PDE4D: variants seen among roughly 807,000 people sequenced by gnomAD.
PDE4D encodes the protein phosphodiesterase 4D.
In PDE4D, 24 loss-of-function variants were observed where a neutral mutation model predicts 87.4. The ratio of observed to expected loss-of-function variants is 0.27; its 90% CI spans 0.20 to 0.39. PDE4D has a LOEUF of 0.39. Ranked by LOEUF, PDE4D falls within the 10% of genes least tolerant of loss-of-function variation. The pLI is 1.00. For missense variants in PDE4D, 714 were observed against 1,041.0 expected (o/e 0.69, Z 4.32); for synonymous variants, 384 against 383.2 (o/e 1.00, Z -0.02).
intron 3 of PDE4D, among the ~76,000 whole-genome samples, chr5:59,948,217 AG>A (rs1757916170): frequency 6.6e-6 from 1 of 152,166 alleles, no homozygotes; most frequent in South Asian, 2.1e-4. Flanking sequence ...TTATTCTACC[AG>A]GTTTTCCCTA....
chr5:59,283,691 C>A (rs189018274), intron 1 of PDE4D, among the ~76,000 whole-genome samples: 10 of 152,248 alleles, frequency 6.6e-5, no homozygotes, highest in Admixed American at 5.9e-4. Context: ...AAGTATATTT[C>A]CTACTCTGCC....
upstream of PDE4D, among the ~76,000 whole-genome samples, chr5:59,897,863 T>C (rs1354829159): frequency 4.6e-5 from 7 of 152,214 alleles, no homozygotes; most frequent in Admixed American, 1.3e-4. Flanking sequence ...TCCAAAGGCA[T>C]TGAAAGTCTC....
At chr5:59,826,696 C>T (rs1022720819) in intron 1 of PDE4D, among the ~76,000 whole-genome samples, 1 of 151,998 alleles carries the variant, frequency 6.6e-6, no homozygotes, top group Admixed American at 6.6e-5. Context: ...CTGTATAGCT[C>T]TTAACACAGC....
rs78843283 is a variant in PDE4D, at chr5:60,159,389, C to T, written c.42+26168G>A. Among the ~76,000 whole-genome samples, 47 of 151,510 alleles carry T rather than the reference C, an allele frequency of 3.1e-4. 1 individual carries two copies. In the East Asian group the frequency reaches 8.9e-3, roughly 29 times the overall value. On this transcript the variant is annotated intron_variant, in intron 2 of 16. Coordinates refer to the PDE4D transcript ENST00000502484. Reference sequence around the variant, plus strand: ...GTATAGTAAATACATAAATCAGGGACGTAATCTATTATATTAAGTACTTAA... The same window carrying T: ...GTATAGTAAATACATAAATCAGGGATGTAATCTATTATATTAAGTACTTAA...
At chr5:60,498,625 C>T (rs982128946) in intron 1 of PDE4D, among the ~76,000 whole-genome samples, 5 of 152,204 alleles carry the variant, frequency 3.3e-5, no homozygotes, top group African/African-American at 1.2e-4. Flanking sequence ...TGTTCCTGTA[C>T]TCAAGAGAGT....
chr5:60,323,731 T>C (rs969839553), intron 1 of PDE4D, among the ~76,000 whole-genome samples: 3 of 151,970 alleles, frequency 2.0e-5, no homozygotes, highest in African/African-American at 7.3e-5. Context: ...TGGATGTCTC[T>C]TGGGCTTCAA....
At chr5:59,532,585 C>T (rs1814436924) in intron 1 of PDE4D, among the ~76,000 whole-genome samples, 1 of 152,172 alleles carries the variant, frequency 6.6e-6, no homozygotes, top group Non-Finnish European at 1.5e-5. Flanking sequence ...TCTGAAAATT[C>T]TTAGCTAAAG....
At chr5:59,662,750 C>T (rs1048691484) in intron 1 of PDE4D, among the ~76,000 whole-genome samples, 1 of 151,998 alleles carries the variant, frequency 6.6e-6, no homozygotes, top group Admixed American at 6.5e-5. Flanking sequence ...TATAATATTC[C>T]ATATGTGAAA....
intron 1 of PDE4D, among the ~76,000 whole-genome samples, chr5:59,309,859 C>T (rs897363800): frequency 1.3e-5 from 2 of 152,114 alleles, no homozygotes; most frequent in South Asian, 2.1e-4. Context: ...TGCCCAAACC[C>T]GCTGCCAGTA....
rs538609069 is a variant in PDE4D, at chr5:60,430,223, C to T, written c.-90+57719G>A. On this transcript the variant is annotated intron_variant, in intron 1 of 16. Transcript: ENST00000502484. ...ATGGGATATTCTCGGGTCACCATCT[C>T]GTTGATGGCGAATGACCCTTCTTCT... 70 of 519,612 alleles carry T rather than the reference C, an allele frequency of 1.3e-4. 3 individuals are homozygous for T. Among genetic ancestry groups the T allele is most frequent in the South Asian group, 9.2e-4 (66 of 71,648 alleles). The allele number at this position is 519,612 out of a possible 1,614,324, so 32.2% of individuals were successfully genotyped here.
intron 1 of PDE4D, among the ~76,000 whole-genome samples, chr5:60,311,854 G>C (rs1332454454): frequency 1.3e-5 from 2 of 152,186 alleles, no homozygotes; most frequent in Non-Finnish European, 2.9e-5. Flanking sequence ...TAGGCTCAAA[G>C]TAAAGGAATG....
chr5:59,855,204 G>A (rs1745255453), intron 1 of PDE4D, among the ~76,000 whole-genome samples: 1 of 152,024 alleles, frequency 6.6e-6, no homozygotes, highest in African/African-American at 2.4e-5. Context: ...TTAAATAATG[G>A]AACTTGATGT....
At chr5:60,461,423 GC>G (rs1194015881) in intron 1 of PDE4D, among the ~76,000 whole-genome samples, 2 of 152,238 alleles carry the variant, frequency 1.3e-5, no homozygotes, top group African/African-American at 4.8e-5. Flanking sequence ...AGTGCACCTA[GC>G]CCAGGGAAAT....
chr5:60,480,581 A>G (rs1748654364), intron 1 of PDE4D, among the ~76,000 whole-genome samples: 1 of 152,120 alleles, frequency 6.6e-6, no homozygotes, highest in African/African-American at 2.4e-5. Context: ...CCACAGAGTT[A>G]TGGGTTGATG....
At chr5:59,895,627 A>G (rs370219076), upstream of PDE4D, among the ~76,000 whole-genome samples, 24 of 152,362 alleles carry the variant, frequency 1.6e-4, no homozygotes, top group African/African-American at 5.8e-4. Flanking sequence ...TGCAGTATAG[A>G]CTGCCTTTTT....
intron 6 of PDE4D, chr5:58,999,836 T>A (rs375056878): frequency 1.0e-6 from 1 of 990,344 alleles, no homozygotes; most frequent in African/African-American, 1.7e-5. Flanking sequence ...GGTCTGCATC[T>A]TTCTCTCCCG....
intron 3 of PDE4D, among the ~76,000 whole-genome samples, chr5:59,949,094 A>G (rs962690490): frequency 6.6e-6 from 1 of 152,120 alleles, no homozygotes. Flanking sequence ...ATATGTGTGC[A>G]TGTGTGTGTG....
intron 1 of PDE4D, among the ~76,000 whole-genome samples, chr5:59,304,121 T>C (rs1770802994): frequency 6.6e-6 from 1 of 152,048 alleles, no homozygotes; most frequent in East Asian, 1.9e-4. Flanking sequence ...TTGTTAGGTA[T>C]ATTCTTAAGT....
intron 1 of PDE4D, among the ~76,000 whole-genome samples, chr5:59,472,934 A>G (rs1333953158): frequency 6.6e-6 from 1 of 152,092 alleles, no homozygotes; most frequent in African/African-American, 2.4e-5. Context: ...TCTTACTTAC[A>G]TAAGATCCTC....
Sources: allele counts gnomAD v4.1 joint callset (sites outside exome capture counted in the v4.1 genomes callset), GRCh38; gene constraint gnomAD v4.1.1; transcripts MANE v1.5; gene names NCBI Gene and HGNC (gene_info 2026-07-23, HGNC 2026-07-21).